The following TGFB2 variants were observed in gnomAD, a reference collection of about 807,000 sequenced individuals.
TGFB2 encodes transforming growth factor beta 2.
A neutral mutation model predicts 42.7 loss-of-function variants in TGFB2; 13 were observed. That is an observed-to-expected ratio of 0.30 (90% CI 0.20 to 0.48). The LOEUF is 0.48. Among genes scored for constraint, TGFB2 ranks in the 20% least tolerant of loss-of-function variants. The pLI is 0.99. For missense variants in TGFB2, 390 were observed against 517.5 expected (o/e 0.75, Z 2.39); for synonymous variants, 193 against 193.6 (o/e 1.00, Z 0.03).
intron 6 of TGFB2, among the ~76,000 whole-genome samples, chr1:218,439,169 A>G (rs1408626783): frequency 6.6e-6 from 1 of 151,826 alleles, no homozygotes; most frequent in African/African-American, 2.4e-5. Context: ...GATACCCAAA[A>G]CCAAACAGAA....
chr1:218,414,937 G>A (rs10863398), intron 2 of TGFB2, among the ~76,000 whole-genome samples: 31,397 of 151,920 alleles, frequency 0.21, 4,103 homozygotes, highest in East Asian at 0.52. Flanking sequence ...GAACCCAGGC[G>A]GTCTGACCCC....
intron 1 of TGFB2, among the ~76,000 whole-genome samples, chr1:218,391,115 T>C (rs1658303935): frequency 6.6e-6 from 1 of 152,172 alleles, no homozygotes; most frequent in Non-Finnish European, 1.5e-5. Flanking sequence ...TTCAAGGAAG[T>C]ATATTTTGAA....
At chr1:218,403,905 A>G (rs1658816163) in intron 1 of TGFB2, among the ~76,000 whole-genome samples, 1 of 152,148 alleles carries the variant, frequency 6.6e-6, no homozygotes, top group Non-Finnish European at 1.5e-5. Flanking sequence ...TTGGAAGAAG[A>G]TTGTAGAAAC....
chr1:218,363,209 C>T, intron 1 of TGFB2: 2 of 818,396 alleles, frequency 2.4e-6, no homozygotes, highest in East Asian at 2.6e-5. Flanking sequence ...TAGCAGGGAC[C>T]TTATTTCTGG....
chr1:218,375,241 G>A (rs1657702774), intron 1 of TGFB2, among the ~76,000 whole-genome samples: 1 of 151,954 alleles, frequency 6.6e-6, no homozygotes, highest in Non-Finnish European at 1.5e-5. Flanking sequence ...ATCCCAACCT[G>A]CTGTTGATAA....
intron 2 of TGFB2, among the ~76,000 whole-genome samples, chr1:218,421,662 G>A (rs1460256762): frequency 6.6e-6 from 1 of 152,050 alleles, no homozygotes; most frequent in Non-Finnish European, 1.5e-5. Flanking sequence ...ATAAAAAAAA[G>A]ATATGTTGAA....
intron 1 of TGFB2, among the ~76,000 whole-genome samples, chr1:218,378,627 G>C (rs1243563502): frequency 2.6e-5 from 4 of 151,970 alleles, no homozygotes; most frequent in Non-Finnish European, 5.9e-5. Context: ...TCATTTTGCT[G>C]TTGAGACAGA....
At chr1:218,396,644 A>G (rs1231784255) in intron 1 of TGFB2, among the ~76,000 whole-genome samples, 1 of 152,050 alleles carries the variant, frequency 6.6e-6, no homozygotes, top group East Asian at 1.9e-4. Flanking sequence ...AATCTTTGAA[A>G]TCCCTTGAGA....
chr1:218,422,183 T>C (rs1019642606), intron 2 of TGFB2, among the ~76,000 whole-genome samples: 5 of 151,832 alleles, frequency 3.3e-5, no homozygotes, highest in Admixed American at 2.0e-4. Context: ...TCCTTCCTTC[T>C]TTCTTTCTTT....
intron 1 of TGFB2, among the ~76,000 whole-genome samples, chr1:218,375,337 A>T (rs1044339424): frequency 1.3e-5 from 2 of 151,618 alleles, no homozygotes; most frequent in African/African-American, 2.4e-5. Context: ...AAAATATAGG[A>T]TTTGCATACA....
chr1:218,398,600 AT>A (rs1658604036), intron 1 of TGFB2, among the ~76,000 whole-genome samples: 1 of 150,270 alleles, frequency 6.7e-6, no homozygotes, highest in African/African-American at 2.4e-5. Flanking sequence ...TTTTTATTTT[AT>A]TTTTTGAGTT....
chr1:218,405,065 G>A lies in TGFB2; in HGVS notation c.347-104G>A, dbSNP rs1658861638. The A allele has an allele frequency of 3.1e-6, 4 of 1,288,726 alleles. No individual in the cohort carries two copies. The South Asian group carries it at 4.6e-5, about 15-fold the overall frequency. 79.8% of individuals were successfully genotyped at this position (1,288,726 alleles called of 1,614,324 possible). On this transcript the variant is annotated intron_variant, in intron 1 of 6. Coordinates refer to ENST00000366930, the MANE Select transcript of TGFB2 (RefSeq NM_003238.6). ...TAAACTGGCCGTTGGAAACTATTCT[G>A]TAGATATTTCCCTTATGGTTTCTTG...
chr1:218,415,426 G>A (rs987400762), intron 2 of TGFB2, among the ~76,000 whole-genome samples: 2 of 152,000 alleles, frequency 1.3e-5, no homozygotes, highest in Admixed American at 6.6e-5. Flanking sequence ...CGGGCGCGGT[G>A]GCTCATGCCT....
At chr1:218,402,153 C>T (rs1658743821) in intron 1 of TGFB2, among the ~76,000 whole-genome samples, 1 of 152,220 alleles carries the variant, frequency 6.6e-6, no homozygotes, top group Admixed American at 6.5e-5. Flanking sequence ...GGCCTGGTCG[C>T]TTCACCATGG....
rs550941534 is a variant in TGFB2, at chr1:218,346,056, G to GCGCA, written c.-645_-644insGCAC. Among the ~76,000 whole-genome samples, 212 of 145,680 alleles carry GCGCA rather than the reference G, an allele frequency of 1.5e-3. No individual in the cohort carries two copies. Among genetic ancestry groups the GCGCA allele is most frequent in the African/African-American group, 4.9e-3 (196 of 39,704 alleles). On this transcript the variant is annotated 5_prime_UTR_variant, in exon 1 of 7. Transcript: ENST00000366930. This position sits in a 1 kb window ranked among gnomAD's most constrained non-coding sequence, Gnocchi z 4.9. ...GGGCTCGCCCCCAGCGCGCGCACAC[G>GCGCA]CACACACACACACACACACACACAC... is the stretch of plus-strand genomic sequence containing the variant.
intron 2 of TGFB2, among the ~76,000 whole-genome samples, chr1:218,425,267 G>A (rs1659584093): frequency 1.3e-5 from 2 of 152,122 alleles, no homozygotes; most frequent in South Asian, 2.1e-4. Flanking sequence ...GAGTGCAGTG[G>A]TGTGTTCTCG....
At chr1:218,407,418 G>T (rs1029901752) in intron 2 of TGFB2, among the ~76,000 whole-genome samples, 1 of 152,208 alleles carries the variant, frequency 6.6e-6, no homozygotes, top group East Asian at 1.9e-4. Context: ...TGTTCATGAA[G>T]AATAATTCTT....
Position 218,434,160 on chromosome 1 carries a change from G to A in TGFB2, c.589G>A (p.Glu197Lys), listed in dbSNP as rs764028978. ...AGTTGTGAAAACAAGAGCAGAAGGC[G>A]AATGGCTCTCCTTCGATGTAACTGA... is the stretch of plus-strand genomic sequence containing the variant. ...SKVVKTRAEG[E>K]WLSFDVTDAV... Residue 197 changes from glutamate (E) to lysine (K), a missense_variant, in exon 3 of 7, where the codon GAA (glutamate) becomes AAA (lysine). Transcript: ENST00000366930. 1.7e-5 allele frequency: 28 copies of A among 1,614,156 alleles called. No homozygotes were observed. Among genetic ancestry groups the A allele is most frequent in the East Asian group, 8.9e-5 (4 of 44,884 alleles).
intron 1 of TGFB2, among the ~76,000 whole-genome samples, chr1:218,399,393 A>C (rs1448581148): frequency 6.6e-6 from 1 of 152,208 alleles, no homozygotes; most frequent in Non-Finnish European, 1.5e-5. Flanking sequence ...CACCCTTACT[A>C]GGTAGCCACA....
Sources: allele counts gnomAD v4.1 joint callset (sites outside exome capture counted in the v4.1 genomes callset), GRCh38; gene constraint gnomAD v4.1.1; non-coding constraint Gnocchi (gnomAD v3.1); transcripts MANE v1.5; gene names NCBI Gene and HGNC (gene_info 2026-07-23, HGNC 2026-07-21).